The following DNAH5 variants were observed in gnomAD, a reference collection of about 807,000 sequenced individuals.
DNAH5 encodes axonemal beta dynein heavy chain 5.
DNAH5 carries 372 observed loss-of-function variants against 518.2 expected under a neutral mutation model. The ratio of observed to expected loss-of-function variants is 0.72; its 90% CI spans 0.66 to 0.78. DNAH5 has a LOEUF of 0.78. Among genes scored for constraint, DNAH5 ranks in the 30% least tolerant of loss-of-function variants. The probability of loss-of-function intolerance (pLI) is 0.00; values close to 1 mark genes in which losing one functional copy is unlikely to be tolerated. For missense variants in DNAH5, 5,523 were observed against 5,687.0 expected (o/e 0.97, Z 0.93); for synonymous variants, 2,039 against 2,025.9 (o/e 1.01, Z -0.17).
intron 75 of DNAH5, among the ~76,000 whole-genome samples, chr5:13,714,167 A>T (rs1743979006): frequency 6.6e-6 from 1 of 152,210 alleles, no homozygotes. Context: ...CACACCTGTA[A>T]ATCAATCATA....
At chr5:13,890,404 C>T (rs1472391715) in intron 17 of DNAH5, among the ~76,000 whole-genome samples, 3 of 88,042 alleles carry the variant, frequency 3.4e-5, no homozygotes, top group African/African-American at 8.2e-5. Context: ...AAGACTCCAT[C>T]TCAAAAAAAA....
At chr5:13,923,533 T>G (rs1299926476) in intron 3 of DNAH5, 93 bp from the exon 4 acceptor site, 2 of 1,409,418 alleles carry the variant, frequency 1.4e-6, no homozygotes, top group East Asian at 4.8e-5. Flanking sequence ...AATATTGCCA[T>G]TGTTGACTTG....
intron 31 of DNAH5, 29 bp downstream of exon 31, chr5:13,850,623 G>A (rs540221427): frequency 8.8e-5 from 142 of 1,605,320 alleles, no homozygotes; most frequent in South Asian, 8.8e-4. Context: ...CAAGGATACC[G>A]AGAGCTTTCA....
chr5:13,711,120 A>C (rs1294342532), intron 75 of DNAH5, among the ~76,000 whole-genome samples: 4 of 152,234 alleles, frequency 2.6e-5, no homozygotes, highest in Non-Finnish European at 4.4e-5. Context: ...AATCCTTAAC[A>C]AAATACTAGC....
intron 32 of DNAH5, 43 bp downstream of exon 32, chr5:13,844,794 G>C: frequency 6.2e-7 from 1 of 1,613,194 alleles, no homozygotes. Context: ...GTTGAGGTTC[G>C]AAGGTACGGT....
intron 1 of DNAH5, among the ~76,000 whole-genome samples, chr5:13,973,332 C>T (rs1463873985): frequency 6.6e-6 from 1 of 152,220 alleles, no homozygotes; most frequent in Non-Finnish European, 1.5e-5. Context: ...CTCCTGCCCT[C>T]TAACCACTGT....
chr5:14,011,747 TC>T (rs1785151461), exon 1 of DNAH5, among the ~76,000 whole-genome samples: 1 of 152,164 alleles, frequency 6.6e-6, no homozygotes, highest in Admixed American at 6.5e-5. Flanking sequence ...CCTGCCCTCG[TC>T]TGCTCTCCGG....
Position 13,716,705 on chromosome 5 carries a change from A to G in DNAH5, c.12706-15T>C. The G allele has an allele frequency of 1.3e-6, 2 of 1,577,004 alleles. No homozygotes were observed. Among genetic ancestry groups the G allele is most frequent in the Non-Finnish European group, 1.7e-6 (2 of 1,147,294 alleles). On this transcript the variant is annotated splice_polypyrimidine_tract_variant and intron_variant, in intron 73 of 78. Coordinates refer to ENST00000265104, the MANE Select transcript of DNAH5 (RefSeq NM_001369.3). ...CAGGAGACACCCTGGGAAATTTTATAGAATAATTATGTAGAACTGACTACC... is the reference window on the plus strand; with the variant it reads ...CAGGAGACACCCTGGGAAATTTTATGGAATAATTATGTAGAACTGACTACC...
chr5:13,999,558 G>GTA (rs2152081865), intron 1 of DNAH5, among the ~76,000 whole-genome samples: 1 of 152,316 alleles, frequency 6.6e-6, no homozygotes. Context: ...TCCACTGTAT[G>GTA]TATACAGCAC....
chr5:13,908,471 T>C (rs1049147532), intron 12 of DNAH5, among the ~76,000 whole-genome samples: 1 of 152,204 alleles, frequency 6.6e-6, no homozygotes, highest in African/African-American at 2.4e-5. Context: ...AGGCCTGGGC[T>C]GAACTCTCTG....
rs1461248725 is a variant in DNAH5, at chr5:13,943,329, CAT to C, written c.57+1051_57+1052del. Among the ~76,000 whole-genome samples, 6 of 152,212 alleles carry C rather than the reference CAT, an allele frequency of 3.9e-5. No homozygotes were observed. In the East Asian group the frequency reaches 9.6e-4, roughly 24 times the overall value. On this transcript the variant is annotated intron_variant, in intron 1 of 78. Coordinates refer to ENST00000265104, the MANE Select transcript of DNAH5 (RefSeq NM_001369.3). ...CTCGCAATCTAGCAAGAGAAAGAGA[CAT>C]GTGGGTAAATGTCATTTCACTACAG...
intron 46 of DNAH5, among the ~76,000 whole-genome samples, 190 bp downstream of exon 46, chr5:13,808,854 G>A (rs1325300928): frequency 6.6e-6 from 1 of 152,148 alleles, no homozygotes; most frequent in African/African-American, 2.4e-5. Flanking sequence ...CAGCTACTCA[G>A]GAGGCTGAGG....
At chr5:13,761,966 T>C (rs1447579579) in intron 60 of DNAH5, among the ~76,000 whole-genome samples, 2 of 152,166 alleles carry the variant, frequency 1.3e-5, no homozygotes, top group African/African-American at 4.8e-5. Flanking sequence ...CTTGGGTAGT[T>C]AACAAGTGTA....
At chr5:13,858,420 G>A (rs1338898692) in intron 30 of DNAH5, among the ~76,000 whole-genome samples, 1 of 152,148 alleles carries the variant, frequency 6.6e-6, no homozygotes, top group East Asian at 1.9e-4. Flanking sequence ...GCCTGTCAGG[G>A]GGTGTGGGGC....
intron 64 of DNAH5, 40 bp from the exon 65 acceptor site, chr5:13,751,300 A>G: frequency 6.6e-7 from 1 of 1,513,402 alleles, no homozygotes; most frequent in Non-Finnish European, 9.0e-7. Context: ...TAAAATAGAG[A>G]TATACCTTAC....
chr5:13,713,362 CAT>C (rs1203423003), intron 75 of DNAH5, among the ~76,000 whole-genome samples: 30 of 135,106 alleles, frequency 2.2e-4, no homozygotes, highest in South Asian at 9.2e-4. Flanking sequence ...TATATACTGA[CAT>C]ATATATATAC....
intron 53 of DNAH5, among the ~76,000 whole-genome samples, chr5:13,777,888 C>G (rs1018876725): frequency 6.6e-6 from 1 of 152,138 alleles, no homozygotes; most frequent in African/African-American, 2.4e-5. Flanking sequence ...GTACACTGTA[C>G]TAGACTACCT....
chr5:13,932,542 T>C (rs1340202151), intron 1 of DNAH5: 1 of 152,090 alleles, frequency 6.6e-6, no homozygotes, highest in Non-Finnish European at 1.5e-5. Flanking sequence ...GAAAACATAA[T>C]AGGAAATGAG....
chr5:13,919,478 G>T, intron 6 of DNAH5, 126 bp from the exon 7 acceptor site: 1 of 1,114,504 alleles, frequency 9.0e-7, no homozygotes, highest in Non-Finnish European at 1.3e-6. Context: ...CGTATTCCAT[G>T]CTTCCAATAA....
Sources: gnomAD v4.1 joint callset for allele counts (sites outside exome capture counted in the v4.1 genomes callset) on GRCh38, gnomAD v4.1.1 for gene constraint, MANE v1.5 for transcripts, NCBI Gene and HGNC (gene_info 2026-07-23, HGNC 2026-07-21) for gene names.